Variants in CNBD1 observed in about 807,000 individuals in gnomAD.
CNBD1 encodes the protein cyclic nucleotide binding domain containing 1, also known as cyclic nucleotide-binding domain-containing protein 1.
A neutral mutation model predicts 54.4 loss-of-function variants in CNBD1; 71 were observed. The observed-to-expected ratio is 1.30, with a 90% CI of 1.08 to 1.59. The LOEUF is 1.59. Ranked by LOEUF, CNBD1 falls within the 40% of genes most tolerant of loss-of-function variation. CNBD1 has a pLI of 0.00. For synonymous variants in CNBD1, 182 were observed against 170.7 expected, an observed-to-expected ratio of 1.07 and a Z score of -0.51; for missense variants, 659 against 518.0, an observed-to-expected ratio of 1.27 and a Z score of -2.64.
chr8:86,871,184 A>G (rs1423065291), intron 1 of CNBD1, among the ~76,000 whole-genome samples: 2 of 152,238 alleles, frequency 1.3e-5, no homozygotes, highest in Non-Finnish European at 2.9e-5. Flanking sequence ...CAGGCAGGAA[A>G]CAGGAAATGG....
chr8:87,187,954 G>T (rs2130783161), intron 4 of CNBD1, among the ~76,000 whole-genome samples: 1 of 152,180 alleles, frequency 6.6e-6, no homozygotes, highest in East Asian at 1.9e-4. Context: ...TCTTAACAAG[G>T]TTTATAATGC....
chr8:87,167,361 C>A (rs1812985001), intron 4 of CNBD1, among the ~76,000 whole-genome samples: 1 of 151,900 alleles, frequency 6.6e-6, no homozygotes, highest in East Asian at 1.9e-4. Context: ...TGAAATTATA[C>A]AGTAAATTGT....
chr8:86,939,100 C>G (rs4412391), intron 3 of CNBD1, among the ~76,000 whole-genome samples: 11,521 of 152,006 alleles, frequency 0.076, 546 homozygotes, highest in African/African-American at 0.14. Context: ...TTGTACATCT[C>G]TTAGGGATTT....
At chr8:87,395,326 T>C (rs1811390137) in intron 2 of CNBD1, among the ~76,000 whole-genome samples, 1 of 152,008 alleles carries the variant, frequency 6.6e-6, no homozygotes, top group Admixed American at 6.6e-5. Flanking sequence ...GTGAAAATAA[T>C]GTTCTTGCTG....
chr8:87,165,107 A>G (rs2130763097), intron 4 of CNBD1, among the ~76,000 whole-genome samples: 1 of 151,772 alleles, frequency 6.6e-6, no homozygotes, highest in East Asian at 1.9e-4. Flanking sequence ...TTTTCATCCT[A>G]TCATGATCTG....
chr8:87,239,850 A>G (rs1807657204), intron 6 of CNBD1, among the ~76,000 whole-genome samples: 1 of 152,152 alleles, frequency 6.6e-6, no homozygotes, highest in South Asian at 2.1e-4. Context: ...TTACACATTG[A>G]AGCTGAAAGC....
chr8:86,934,684 T>G (rs927629567), intron 3 of CNBD1, among the ~76,000 whole-genome samples: 4 of 152,216 alleles, frequency 2.6e-5, no homozygotes, highest in Non-Finnish European at 5.9e-5. Flanking sequence ...GTATTACAAA[T>G]AGATATTGAA....
At chr8:87,026,086 G>A (rs1809638494) in intron 4 of CNBD1, among the ~76,000 whole-genome samples, 1 of 152,108 alleles carries the variant, frequency 6.6e-6, no homozygotes, top group African/African-American at 2.4e-5. Context: ...AAGGTCAAAT[G>A]TTTTGCTTAT....
In CNBD1 at chr8:86,878,105, T is replaced by TGTGTGTGTGAGAGAGA. The variant is rs56785226; in HGVS notation, c.89-9436_89-9435insTGTGTGTGAGAGAGAG. Among the ~76,000 whole-genome samples, 4 of 140,968 alleles carry TGTGTGTGTGAGAGAGA rather than the reference T, an allele frequency of 2.8e-5. No homozygotes were observed. In the East Asian group the frequency reaches 8.6e-4, roughly 30 times the overall value. The allele number at this position is 140,968 out of a possible 152,430, so 92.5% of individuals were successfully genotyped here. Reference sequence around the variant, plus strand: ...CTGTGTGTGTGTGTGTGTGTGTGTGTGAGAGAGAGAGAGAGAGAGAGAGAG... The same window carrying TGTGTGTGTGAGAGAGA: ...CTGTGTGTGTGTGTGTGTGTGTGTGTGTGTGTGTGAGAGAGAGAGAGAGAGAGAGAGAGAGAGAGAG... On this transcript the variant is annotated intron_variant, in intron 1 of 10. Transcript: ENST00000518476.
At chr8:86,981,545 G>A (rs940724877) in intron 4 of CNBD1, among the ~76,000 whole-genome samples, 22 of 152,076 alleles carry the variant, frequency 1.4e-4, no homozygotes, top group African/African-American at 4.3e-4. Flanking sequence ...AACCATCACC[G>A]CAATCAAGAG....
At chr8:87,288,292 G>A (rs1170269404) in intron 8 of CNBD1, among the ~76,000 whole-genome samples, 1 of 151,796 alleles carries the variant, frequency 6.6e-6, no homozygotes, top group Admixed American at 6.6e-5. Context: ...TTTTATGGTT[G>A]TTTTGGATTT....
chr8:87,394,910 A>C (rs1811381970), intron 2 of CNBD1, among the ~76,000 whole-genome samples: 1 of 151,902 alleles, frequency 6.6e-6, no homozygotes, highest in Non-Finnish European at 1.5e-5. Context: ...AAAGCAAAGC[A>C]AGATGAGACA....
chr8:87,389,225 A>C (rs1563582952), intron 2 of CNBD1, among the ~76,000 whole-genome samples: 1 of 152,198 alleles, frequency 6.6e-6, no homozygotes, highest in Non-Finnish European at 1.5e-5. Flanking sequence ...GCTGCTATTC[A>C]ACATAGTGTT....
At chr8:87,120,900 A>C (rs990005293) in intron 4 of CNBD1, among the ~76,000 whole-genome samples, 7 of 151,996 alleles carry the variant, frequency 4.6e-5, no homozygotes, top group African/African-American at 1.7e-4. Context: ...AGGTTTTAGC[A>C]TCAGATTTGT....
chr8:87,402,307 C>T lies in CNBD1; in HGVS notation c.214-26239C>T, dbSNP rs542283210. ...AGTCAAGATGAGATTTGGGTGGGGA[C>T]ACAGTCAAACAATACCAGAAGGTTT... On this transcript the variant is annotated intron_variant, in intron 2 of 7. Transcript: ENST00000521593. 1.2e-4 allele frequency among the ~76,000 whole-genome samples: 19 copies of T among 152,068 alleles called. No homozygotes were observed. In the South Asian group the frequency reaches 3.9e-3, roughly 32 times the overall value.
chr8:86,948,278 G>A (rs1283988682), intron 4 of CNBD1, among the ~76,000 whole-genome samples: 2 of 152,134 alleles, frequency 1.3e-5, no homozygotes, highest in Non-Finnish European at 2.9e-5. Context: ...TATATACACA[G>A]CAGTGGGATT....
In CNBD1 at chr8:87,141,961, C is replaced by T. The variant is rs556638064; in HGVS notation, c.432-64032C>T. On this transcript the variant is annotated intron_variant, in intron 4 of 10. Coordinates refer to ENST00000518476, the MANE Select transcript of CNBD1 (RefSeq NM_173538.3). ...AAAATTGGGTAGACTCAACCAGTGG[C>T]AGTGGTTTTAAAAAGACTCCTTAAC... 1.1e-3 allele frequency among the ~76,000 whole-genome samples: 163 copies of T among 152,214 alleles called. 3 individuals are homozygous for T. The highest frequency in any genetic ancestry group is 3.7e-3 in the African/African-American group (153 of 41,556).
intron 3 of CNBD1, among the ~76,000 whole-genome samples, chr8:86,935,352 A>G (rs1487274135): frequency 4.6e-5 from 7 of 151,998 alleles, no homozygotes; most frequent in Admixed American, 4.6e-4. Context: ...ATTTATTAAG[A>G]GTTTGTTAGA....
At chr8:87,117,612 T>C (rs1811801926) in intron 4 of CNBD1, among the ~76,000 whole-genome samples, 1 of 152,304 alleles carries the variant, frequency 6.6e-6, no homozygotes, top group African/African-American at 2.4e-5. Context: ...TTTCATTATA[T>C]GCTTCACAAA....
Sources: gnomAD v4.1 joint callset for allele counts (sites outside exome capture counted in the v4.1 genomes callset) on GRCh38, gnomAD v4.1.1 for gene constraint, MANE v1.5 for transcripts, NCBI Gene and HGNC (gene_info 2026-07-23, HGNC 2026-07-21) for gene names.